Variants in ATP2A3 observed in about 807,000 individuals in gnomAD.
ATP2A3 encodes ATPase sarcoplasmic/endoplasmic reticulum Ca2+ transporting 3.
A neutral mutation model predicts 106.8 loss-of-function variants in ATP2A3; 61 were observed. The observed-to-expected ratio is 0.57, with a 90% CI of 0.46 to 0.71. The LOEUF is 0.71. ATP2A3 is among the 30% of genes least tolerant of loss of function. The pLI is 0.00. For synonymous variants in ATP2A3, 611 were observed against 609.3 expected, an observed-to-expected ratio of 1.00 and a Z score of -0.04; for missense variants, 1,201 against 1,423.5, an observed-to-expected ratio of 0.84 and a Z score of 2.52.
chr17:3,931,745 A>T lies in ATP2A3; in HGVS notation c.2611-1311T>A, dbSNP rs375006570. Among the ~76,000 whole-genome samples, 468 of 151,496 alleles carry T rather than the reference A, an allele frequency of 3.1e-3. 9 individuals are homozygous for T. The East Asian group carries it at 0.047, about 15-fold the overall frequency. On this transcript the variant is annotated intron_variant, in intron 17 of 20. Transcript: ENST00000397041. ...ACCGTGTTAGCCAGGATGGTCTAGA[A>T]CTCCTGACCTCGTGATCCGCCCGCC... is the stretch of plus-strand genomic sequence containing the variant.
chr17:3,924,426 G>C lies in ATP2A3; in HGVS notation c.*996C>G, dbSNP rs781708978. On this transcript the variant is annotated 3_prime_UTR_variant, in exon 21 of 21. Coordinates refer to ENST00000397041, the MANE Select transcript of ATP2A3 (RefSeq NM_005173.4). This position sits in a 1 kb window ranked among gnomAD's most constrained non-coding sequence, Gnocchi z 6.4. ...GACATCCTTTCGGCTCATGGGTGTC[G>C]TGGGGAGGGGGCAAGGAGTGAGGCC... 9.9e-5 allele frequency: 21 copies of C among 212,126 alleles called. No homozygotes were observed. Among genetic ancestry groups the C allele is most frequent in the Admixed American group, 1.6e-4 (3 of 18,238 alleles). The allele number at this position is 212,126 out of a possible 1,614,324, so 13.1% of individuals were successfully genotyped here. A position where few individuals can be genotyped will look rare whatever the true frequency, so the allele number is the denominator to read the frequency against.
At chr17:3,927,496 C>G in intron 20 of ATP2A3, 1 of 985,414 alleles carries the variant, frequency 1.0e-6, no homozygotes, top group Middle Eastern at 5.2e-4. Flanking sequence ...TGAGTGTGGT[C>G]AAGGGCGGCT....
chr17:3,930,630 G>A lies in ATP2A3; in HGVS notation c.2611-196C>T, dbSNP rs2053021382. 18 of 724,800 alleles carry A rather than the reference G, an allele frequency of 2.5e-5. No individual in the cohort carries two copies. The South Asian group carries it at 3.0e-4, about 12-fold the overall frequency. The allele number at this position is 724,800 out of a possible 1,614,324, so 44.9% of individuals were successfully genotyped here. On this transcript the variant is annotated intron_variant, in intron 17 of 20. Coordinates refer to ENST00000397041, the MANE Select transcript of ATP2A3 (RefSeq NM_005173.4). This position sits in a 1 kb window ranked among gnomAD's most constrained non-coding sequence, Gnocchi z 5.4. Reference sequence around the variant, plus strand: ...GGTGGGGAGAGCTGCACCGTGCCAGGGAGAAGCAAGGGCACAGCGTGGGAA... The same window carrying A: ...GGTGGGGAGAGCTGCACCGTGCCAGAGAGAAGCAAGGGCACAGCGTGGGAA...
At position 3,951,589 on chromosome 17, in the gene ATP2A3, C is replaced by G. The variant is rs371209540; in HGVS notation, c.316G>C (p.Val106Leu). ...LILVANAIVG[V>L]WQERNAESAI... ...CCCCCAGTGCCTCCCACCTGCCACA[C>G]GCCCACAATGGCGTTGGCCACGAGG... is the stretch of plus-strand genomic sequence containing the variant. The change falls in exon 4 of 21, where the codon GTG (valine) becomes CTG (leucine). Residue 106 changes from valine (V) to leucine (L), a missense_variant. Val to Leu is a conservative substitution (Grantham distance 32). This residue lies in a region of ATP2A3 where 266 missense variants were observed against 246.8 expected (regional missense o/e 1.08). Transcript: ENST00000397041. The G allele has an allele frequency of 6.3e-7, 1 of 1,597,962 alleles. No individual in the cohort carries two copies. The highest frequency in any genetic ancestry group is 8.5e-7 in the Non-Finnish European group (1 of 1,172,660).
chr17:3,963,336 G>C lies in ATP2A3; in HGVS notation c.118+838C>G, dbSNP rs12602259. 2.0e-5 allele frequency among the ~76,000 whole-genome samples: 3 copies of C among 152,270 alleles called. No individual in the cohort carries two copies. In the East Asian group the frequency reaches 5.8e-4, roughly 29 times the overall value. The stretch of plus-strand genomic sequence containing the variant: ...TGCGGGCATGAGCAAGGGGGTGGCA[G>C]GTCCTGCCTGGAAGGGATGTGGGGA... On this transcript the variant is annotated intron_variant, in intron 1 of 20. Coordinates refer to ENST00000397041, the MANE Select transcript of ATP2A3 (RefSeq NM_005173.4).
chr17:3,943,955 C>G (rs1016183985), intron 10 of ATP2A3, among the ~76,000 whole-genome samples: 3 of 152,228 alleles, frequency 2.0e-5, no homozygotes. Context: ...CGGCGACAGC[C>G]CCAGACAGCA....
In ATP2A3 at chr17:3,943,292, C is replaced by T. The variant is rs1049590319; in HGVS notation, c.1419+99G>A. Reference sequence around the variant, plus strand: ...GTCTCAAAAAAAAAAAAAAACAAAACGAAACAAAACAAAAACTTCAGTGTC... The same window carrying T: ...GTCTCAAAAAAAAAAAAAAACAAAATGAAACAAAACAAAAACTTCAGTGTC... On this transcript the variant is annotated intron_variant, in intron 11 of 20. Coordinates refer to ENST00000397041, the MANE Select transcript of ATP2A3 (RefSeq NM_005173.4). 2.5e-5 allele frequency: 37 copies of T among 1,467,916 alleles called. No individual in the cohort carries two copies. The African/African-American group carries it at 2.8e-4, about 11-fold the overall frequency. 90.9% of individuals were successfully genotyped at this position (1,467,916 alleles called of 1,614,324 possible). A position where few individuals can be genotyped will look rare whatever the true frequency, so the allele number is the denominator to read the frequency against.
chr17:3,924,747 C>T lies in ATP2A3; in HGVS notation c.*675G>A, dbSNP rs188583193. ...CTCCCGGGAAAGGACATCCTCGCTC[C>T]GCCCTCCTGCCGGCTCCTTGTGTCC... On this transcript the variant is annotated 3_prime_UTR_variant, in exon 21 of 21. Coordinates refer to ENST00000397041, the MANE Select transcript of ATP2A3 (RefSeq NM_005173.4). This position sits in a 1 kb window ranked among gnomAD's most constrained non-coding sequence, Gnocchi z 6.4. The T allele has an allele frequency of 4.8e-5, 22 of 456,618 alleles. No individual in the cohort carries two copies. The highest frequency in any genetic ancestry group is 2.8e-4 in the East Asian group (4 of 14,384). 28.3% of individuals were successfully genotyped at this position (456,618 alleles called of 1,614,324 possible). A position where few individuals can be genotyped will look rare whatever the true frequency, so the allele number is the denominator to read the frequency against.
chr17:3,951,387 T>A lies in ATP2A3; in HGVS notation c.327A>T (p.Glu109Asp). 2 of 1,613,560 alleles carry A rather than the reference T, an allele frequency of 1.2e-6. No homozygotes were observed. Among genetic ancestry groups the A allele is most frequent in the Non-Finnish European group, 1.7e-6 (2 of 1,179,982 alleles). The change falls in exon 5 of 21, where the codon GAA (glutamate) becomes GAT (aspartate). Residue 109 changes from glutamate to aspartate, a missense_variant and splice_region_variant. Around this residue, in one of 2 missense-constraint regions of ATP2A3, gnomAD observed 266 missense variants for 246.8 expected, o/e 1.08. Coordinates refer to ENST00000397041, the MANE Select transcript of ATP2A3 (RefSeq NM_005173.4). ...CCTCGATGGCACTCTCGGCGTTGCGTTCCTGCAGAATAGAAGGCCGGCAGG... is the reference window on the plus strand; with the variant it reads ...CCTCGATGGCACTCTCGGCGTTGCGATCCTGCAGAATAGAAGGCCGGCAGG... Reference protein sequence around the residue: ...VANAIVGVWQERNAESAIEAL... With the variant: ...VANAIVGVWQDRNAESAIEAL...
chr17:3,941,352 A>T (rs1189542308), intron 13 of ATP2A3, 46 bp from the exon 14 acceptor site: 7 of 1,613,148 alleles, frequency 4.3e-6, no homozygotes, highest in Non-Finnish European at 5.9e-6. Flanking sequence ...CCCATCCCTG[A>T]CCTACCACCT....
chr17:3,959,759 C>T (rs2055036450), intron 1 of ATP2A3, among the ~76,000 whole-genome samples: 1 of 152,250 alleles, frequency 6.6e-6, no homozygotes, highest in South Asian at 2.1e-4. Context: ...CGGGGTCCAC[C>T]TAGAGTGGAC....
intron 14 of ATP2A3, 92 bp from the exon 15 acceptor site, chr17:3,937,728 A>T (rs2053532080): frequency 2.3e-6 from 3 of 1,288,444 alleles, no homozygotes; most frequent in East Asian, 2.5e-5. Flanking sequence ...ATCTTAGGGG[A>T]TGTTCCAAAG....
chr17:3,928,051 G>A lies in ATP2A3; in HGVS notation c.2980+612C>T, dbSNP rs775597121. The A allele has an allele frequency of 1.2e-6, 2 of 1,613,902 alleles. No individual in the cohort carries two copies. The highest frequency in any genetic ancestry group is 1.7e-6 in the Non-Finnish European group (2 of 1,180,012). Reference sequence around the variant, plus strand: ...TGTGTCCCTGGCCCTTGGAAGTTCAGAATCACCCACTCTCAGAGCCCACCT... The same window carrying A: ...TGTGTCCCTGGCCCTTGGAAGTTCAAAATCACCCACTCTCAGAGCCCACCT... On this transcript the variant is annotated intron_variant, in intron 20 of 20. Coordinates refer to ENST00000397041, the MANE Select transcript of ATP2A3 (RefSeq NM_005173.4). The surrounding 1 kb of genome is among the most constrained non-coding windows in gnomAD (Gnocchi z 6.1).
Position 3,936,926 on chromosome 17 carries a change from CAT to C in ATP2A3, c.2322-459_2322-458del. 3.1e-6 allele frequency: 1 copy of C among 327,440 alleles called. No individual in the cohort carries two copies. Among genetic ancestry groups the C allele is most frequent in the Non-Finnish European group, 6.0e-6 (1 of 167,970 alleles). 20.3% of individuals were successfully genotyped at this position (327,440 alleles called of 1,614,324 possible). On this transcript the variant is annotated intron_variant, in intron 15 of 20. Transcript: ENST00000397041. This position sits in a 1 kb window ranked among gnomAD's most constrained non-coding sequence, Gnocchi z 5.4. The stretch of plus-strand genomic sequence containing the variant: ...TCACCATTCCCCACAGGCATCCTCA[CAT>C]GTGAATACGAGTGTGTGCACAGTCA...
chr17:3,948,604 A>G (rs1045984261), intron 7 of ATP2A3, among the ~76,000 whole-genome samples: 1 of 152,210 alleles, frequency 6.6e-6, no homozygotes, highest in African/African-American at 2.4e-5. Context: ...ATTTTAGTAG[A>G]AACGAGGTCT....
Position 3,936,986 on chromosome 17 carries a change from C to A in ATP2A3, c.2321+430G>T, listed in dbSNP as rs894718602. 3.0e-6 allele frequency: 1 copy of A among 329,528 alleles called. No homozygotes were observed. Among genetic ancestry groups the A allele is most frequent in the Non-Finnish European group, 5.9e-6 (1 of 169,498 alleles). The allele number at this position is 329,528 out of a possible 1,614,324, so 20.4% of individuals were successfully genotyped here. On this transcript the variant is annotated intron_variant, in intron 15 of 20. Coordinates refer to ENST00000397041, the MANE Select transcript of ATP2A3 (RefSeq NM_005173.4). The surrounding 1 kb of genome is among the most constrained non-coding windows in gnomAD (Gnocchi z 5.4). ...GCACAAATCCTTCTGCTTGTACTCA[C>A]GCTCAAAATGCACCAGAGCACACAT...
intron 1 of ATP2A3, among the ~76,000 whole-genome samples, chr17:3,959,719 G>A (rs1329447188): frequency 5.3e-5 from 8 of 152,212 alleles, no homozygotes; most frequent in Admixed American, 1.3e-4. Flanking sequence ...GGCAAGACCC[G>A]CCCAGCCCAC....
chr17:3,927,204 G>A (rs932608893), intron 20 of ATP2A3: 8 of 985,222 alleles, frequency 8.1e-6, no homozygotes, highest in Non-Finnish European at 9.6e-6. Context: ...GGACCCTCCC[G>A]CTCTTTAGGC....
At position 3,930,417 on chromosome 17, in the gene ATP2A3, G is replaced by A. The variant is rs768216161; in HGVS notation, c.2628C>T (p.Cys876=). The A allele has an allele frequency of 2.4e-5, 38 of 1,613,994 alleles. No homozygotes were observed. Among genetic ancestry groups the A allele is most frequent in the Non-Finnish European group, 3.2e-5 (38 of 1,180,014 alleles). ...NFYQLRNFLK[C]SEDNPLFAGI... Reference sequence around the variant, plus strand: ...CGGCAAAGAGCGGGTTGTCTTCGGAGCACTTCAGGAAGTTCCTCTGGGGGC... The same window carrying A: ...CGGCAAAGAGCGGGTTGTCTTCGGAACACTTCAGGAAGTTCCTCTGGGGGC... The change falls in exon 18 of 21, where the codon TGC becomes TGT. Residue 876 remains cysteine, a synonymous_variant. Transcript: ENST00000397041. The surrounding 1 kb of genome is among the most constrained non-coding windows in gnomAD (Gnocchi z 5.4).
Sources: gnomAD v4.1 joint callset for allele counts (sites outside exome capture counted in the v4.1 genomes callset) on GRCh38, gnomAD v4.1.1 for gene constraint, gnomAD v4.1.1 regional missense constraint, Gnocchi (gnomAD v3.1) non-coding constraint, MANE v1.5 for transcripts, NCBI Gene and HGNC (gene_info 2026-07-23, HGNC 2026-07-21) for gene names.